Variants in COL4A6 observed in about 807,000 individuals in gnomAD.
COL4A6 encodes collagen alpha-6(IV) chain.
In COL4A6, 59 loss-of-function variants were observed where a neutral mutation model predicts 126.7. The observed-to-expected ratio is 0.47, with a 90% confidence interval of 0.38 to 0.58. The LOEUF is 0.58. Among genes scored for constraint, COL4A6 ranks in the 20% least tolerant of loss-of-function variants. The pLI is 0.00. For synonymous variants in COL4A6, 547 were observed against 496.6 expected (o/e 1.10, Z -1.35); for missense variants, 1,285 against 1,337.3 (o/e 0.96, Z 0.61).
intron 3 of COL4A6, among the ~76,000 whole-genome samples, chrX:108,292,992 G>GAAAAAAAA (rs2038206236): frequency 2.9e-4 from 3 of 10,452 alleles, no homozygotes; most frequent in Admixed American, 2.1e-3. Context: ...AAGGAAAAAA[G>GAAAAAAAA]CAAAAAAAAA....
chrX:108,166,404 GA>G (rs1173169360), intron 37 of COL4A6, among the ~76,000 whole-genome samples: 2 of 112,581 alleles, frequency 1.8e-5, no homozygotes, highest in African/African-American at 3.2e-5. Flanking sequence ...ATATTCAAAT[GA>G]AGATAAATGG....
At chrX:108,309,947 G>T (rs746387111) in intron 3 of COL4A6, among the ~76,000 whole-genome samples, 1 of 110,757 alleles carries the variant, frequency 9.0e-6, no homozygotes, top group South Asian at 3.9e-4. Context: ...GTTGGGTTTT[G>T]AAACATTTCA....
intron 2 of COL4A6, among the ~76,000 whole-genome samples, chrX:108,326,170 A>T (rs2039152208): frequency 1.8e-5 from 2 of 112,514 alleles, no homozygotes; most frequent in African/African-American, 6.5e-5. Flanking sequence ...ATCTACAAAA[A>T]AACTACTAGA....
intron 3 of COL4A6, among the ~76,000 whole-genome samples, chrX:108,224,127 T>G (rs2036096189): frequency 9.0e-6 from 1 of 111,658 alleles, no homozygotes. Context: ...TGCAAGCACA[T>G]GCTTATCAGC....
intron 3 of COL4A6, among the ~76,000 whole-genome samples, chrX:108,264,241 C>T (rs1048116761): frequency 9.0e-6 from 1 of 111,474 alleles, no homozygotes; most frequent in African/African-American, 3.3e-5. Context: ...AAGTAGAAAG[C>T]TTTATGCAGA....
chrX:108,276,267 G>T (rs1410838613), intron 3 of COL4A6, among the ~76,000 whole-genome samples: 5 of 112,533 alleles, frequency 4.4e-5, no homozygotes, highest in African/African-American at 1.6e-4. Flanking sequence ...CACAGACCTT[G>T]CCAAAGCATG....
chrX:108,210,631 C>A (rs142298434), intron 7 of COL4A6, among the ~76,000 whole-genome samples: 2,018 of 112,003 alleles, frequency 0.018, 46 homozygotes, highest in African/African-American at 0.062. Flanking sequence ...AGTCTTACTC[C>A]ACTTGGCTTA....
intron 2 of COL4A6, among the ~76,000 whole-genome samples, chrX:108,319,892 G>A (rs775349350): frequency 8.9e-6 from 1 of 112,100 alleles, no homozygotes; most frequent in African/African-American, 3.2e-5. Flanking sequence ...TGACACAGGA[G>A]AGAGATGGAA....
chrX:108,226,623 A>C (rs1046112472), intron 3 of COL4A6, among the ~76,000 whole-genome samples: 6 of 110,049 alleles, frequency 5.5e-5, no homozygotes, highest in Non-Finnish European at 9.5e-5. Flanking sequence ...AAATATTCCA[A>C]CTCAAACCCA....
At chrX:108,358,814 C>T (rs969940049) in intron 2 of COL4A6, among the ~76,000 whole-genome samples, 1 of 112,061 alleles carries the variant, frequency 8.9e-6, no homozygotes, top group Non-Finnish European at 1.9e-5. Flanking sequence ...GCAGTCTTTT[C>T]TTTTGAATTC....
chrX:108,159,513 C>A lies in COL4A6; in HGVS notation c.4761G>T (p.Pro1587=), dbSNP rs1250935332. 8.3e-7 allele frequency: 1 copy of A among 1,210,913 alleles called. No individual in the cohort carries two copies. The highest frequency in any genetic ancestry group is 1.1e-6 in the Non-Finnish European group (1 of 895,436). Residue 1587 remains proline, a synonymous_variant, in exon 44 of 45, where the codon CCG becomes CCT. Transcript: ENST00000334504. The stretch of plus-strand genomic sequence containing the variant: ...GGCTGCGCCAGCCCAGGGGGCACTG[C>A]GGGATGGTGATGTCCTGGCTGTGCA... ...IAVHSQDITI[P]QCPLGWRSLW...
At chrX:108,254,618 C>T (rs1442880716) in intron 3 of COL4A6, among the ~76,000 whole-genome samples, 4 of 110,746 alleles carry the variant, frequency 3.6e-5, no homozygotes, top group Admixed American at 9.6e-5. Context: ...TGAGTTGCTG[C>T]CTAGGGAAGA....
chrX:108,179,245 A>T lies in COL4A6; in HGVS notation c.2325T>A (p.Leu775=). The T allele has an allele frequency of 6.6e-6, 8 of 1,211,691 alleles. No individual in the cohort carries two copies. The highest frequency in any genetic ancestry group is 8.9e-6 in the Non-Finnish European group (8 of 895,390). ...TGAGTCCTGGAAGGCCAGAGTCTCC[A>T]AGAAATCCTTTGTGCCCTGTTAATC... ...LQGLTGHKGF[L]GDSGLPGLKG... Residue 775 remains leucine (L), a synonymous_variant, in exon 26 of 45, where the codon CTT becomes CTA. Transcript: ENST00000334504.
At chrX:108,281,682 C>T (rs1314738485) in intron 3 of COL4A6, among the ~76,000 whole-genome samples, 44 of 110,729 alleles carry the variant, frequency 4.0e-4, no homozygotes, top group African/African-American at 8.2e-4. Context: ...GAGCCCACAT[C>T]GCCAAGTCAA....
intron 3 of COL4A6, chrX:108,267,559 C>G (rs1033283934): frequency 2.7e-5 from 3 of 112,428 alleles, no homozygotes; most frequent in African/African-American, 9.7e-5. Context: ...TCTTGAATAG[C>G]CCTTAGAGTA....
chrX:108,383,616 C>G, intron 2 of COL4A6: 1 of 537,835 alleles, frequency 1.9e-6, no homozygotes. Flanking sequence ...AAGGATGCCC[C>G]AAAATGGGGC....
chrX:108,210,264 T>C (rs1218786030), intron 7 of COL4A6, among the ~76,000 whole-genome samples: 1 of 112,489 alleles, frequency 8.9e-6, no homozygotes, highest in African/African-American at 3.2e-5. Flanking sequence ...TTACTTGGAT[T>C]AATTAATTTT....
intron 7 of COL4A6, 44 bp from the exon 8 acceptor site, chrX:108,210,048 C>G: frequency 8.6e-7 from 1 of 1,165,590 alleles, no homozygotes; most frequent in South Asian, 1.9e-5. Context: ...ATAAATTAAG[C>G]CTGCAATATT....
At chrX:108,368,094 C>T (rs1315901167) in intron 2 of COL4A6, among the ~76,000 whole-genome samples, 1 of 108,792 alleles carries the variant, frequency 9.2e-6, no homozygotes, top group African/African-American at 3.3e-5. Context: ...TATATATAGT[C>T]ATATGTCTCT....
Sources: gnomAD v4.1 joint callset for allele counts (sites outside exome capture counted in the v4.1 genomes callset) on GRCh38, gnomAD v4.1.1 for gene constraint, MANE v1.5 for transcripts, NCBI Gene and HGNC (gene_info 2026-07-23, HGNC 2026-07-21) for gene names.